Variants in H6PD observed in about 807,000 individuals in gnomAD.
The protein encoded by H6PD is hexose-6-phosphate dehydrogenase/glucose 1-dehydrogenase.
A neutral mutation model predicts 61.2 loss-of-function variants in H6PD; 48 were observed. That is an observed-to-expected ratio of 0.78 (90% CI 0.62 to 1.00). The LOEUF (loss-of-function observed/expected upper bound fraction) is 1.00. Among genes scored for constraint, H6PD ranks in the 50% least tolerant of loss-of-function variants. The pLI is 0.00. For synonymous variants in H6PD, 480 were observed against 457.9 expected (o/e 1.05, Z -0.62); for missense variants, 1,093 against 1,065.0 (o/e 1.03, Z -0.37).
intron 3 of H6PD, among the ~76,000 whole-genome samples, chr1:9,248,183 C>T (rs1345666424): frequency 6.6e-6 from 1 of 152,256 alleles, no homozygotes; most frequent in Non-Finnish European, 1.5e-5. Flanking sequence ...ACTGCCCCCC[C>T]AGCCCCCGCA....
rs1223873315 is a variant in H6PD at position 9,262,070 on chromosome 1, T to C, written c.757T>C (p.Phe253Leu). 6.2e-7 allele frequency: 1 copy of C among 1,614,156 alleles called. No individual in the cohort carries two copies. Among genetic ancestry groups the C allele is most frequent in the Non-Finnish European group, 8.5e-7 (1 of 1,180,006 alleles). ...ETVDAEGRTS[F>L]YEEYGVIRDV... ...CCTCCCTCCACCAGGCCGCACCAGC[T>C]TCTATGAGGAGTACGGTGTCATTCG... The change falls in exon 4 of 5, where the codon TTC becomes CTC. Residue 253 changes from phenylalanine (F) to leucine (L), a missense_variant. By Grantham distance (22) the Phe-to-Leu change is conservative (BLOSUM62 0). Transcript: ENST00000377403.
chr1:9,247,115 C>A, intron 3 of H6PD, 32 bp downstream of exon 3: 1 of 1,379,696 alleles, frequency 7.2e-7, no homozygotes, highest in Non-Finnish European at 1.0e-6. Flanking sequence ...CTCGGTCCCC[C>A]AGCCTCTGCC....
intron 3 of H6PD, among the ~76,000 whole-genome samples, chr1:9,259,368 G>A (rs1212382965): frequency 6.6e-6 from 1 of 152,176 alleles, no homozygotes; most frequent in Non-Finnish European, 1.5e-5. Context: ...TTACACCATT[G>A]TTGCGCCAGT....
intron 1 of H6PD, among the ~76,000 whole-genome samples, chr1:9,237,605 C>T (rs1029575930): frequency 6.6e-6 from 1 of 152,160 alleles, no homozygotes; most frequent in African/African-American, 2.4e-5. Flanking sequence ...ATGTTACCTA[C>T]CTCATATGGT....
Position 9,247,034 on chromosome 1 carries a change from CCATGTGGAGCGGGTGGAGATCAT to C in H6PD, c.701_723del (p.Val234GlufsTer7). The C allele has an allele frequency of 3.1e-6, 5 of 1,613,944 alleles. No individual in the cohort carries two copies. The highest frequency in any genetic ancestry group is 3.4e-6 in the Non-Finnish European group (4 of 1,179,890). ...CTTTGGACGGCCTCTGGAACCGGCACCATGTGGAGCGGGTGGAGATCATCATGAAAGAGACCGTGGATGCTGAA... is the reference window on the plus strand; with the variant it reads ...CTTTGGACGGCCTCTGGAACCGGCACCATGAAAGAGACCGTGGATGCTGAA... On this transcript the variant is annotated frameshift_variant, in exon 3 of 5. Coordinates refer to ENST00000377403, the MANE Select transcript of H6PD (RefSeq NM_004285.4). LOFTEE classifies it high-confidence loss of function.
intron 3 of H6PD, among the ~76,000 whole-genome samples, chr1:9,248,397 G>A (rs1037065126): frequency 4.6e-5 from 7 of 152,302 alleles, no homozygotes; most frequent in African/African-American, 1.7e-4. Context: ...GGGCCGAGGT[G>A]CCACAGTGAG....
At chr1:9,239,584 A>T (rs748766260) in intron 1 of H6PD, among the ~76,000 whole-genome samples, 2 of 152,250 alleles carry the variant, frequency 1.3e-5, no homozygotes, top group Non-Finnish European at 2.9e-5. Context: ...GACTAGGCAC[A>T]TCACCTTGTG....
Position 9,264,080 on chromosome 1 carries a change from G to T in H6PD, c.1587G>T (p.Gln529His), listed in dbSNP as rs1236625496. 6.2e-7 allele frequency: 1 copy of T among 1,614,082 alleles called. No individual in the cohort carries two copies. The highest frequency in any genetic ancestry group is 8.5e-7 in the Non-Finnish European group (1 of 1,180,020). ...TCTTTTCCCAGCAGCAGCCGGAGCA[G>T]CTGGTGCCAGGGCCAGGGCCGGCCC... ...RLFFSQQQPE[Q>H]LVPGPGPAPM... Residue 529 changes from glutamine to histidine, a missense_variant, in exon 5 of 5, where the codon CAG (glutamine) becomes CAT (histidine). Transcript: ENST00000377403.
At chr1:9,251,553 C>T (rs1352643010) in intron 3 of H6PD, among the ~76,000 whole-genome samples, 3 of 152,160 alleles carry the variant, frequency 2.0e-5, no homozygotes, top group African/African-American at 7.2e-5. Flanking sequence ...GAGCCTGATG[C>T]TTGCCCACCT....
intron 1 of H6PD, among the ~76,000 whole-genome samples, chr1:9,241,496 C>T (rs552644478): frequency 1.2e-4 from 19 of 152,276 alleles, no homozygotes; most frequent in African/African-American, 3.4e-4. Flanking sequence ...CTGGACCTCT[C>T]GGGCTCAAGC....
At chr1:9,247,719 C>T (rs1641227856) in intron 3 of H6PD, among the ~76,000 whole-genome samples, 1 of 152,172 alleles carries the variant, frequency 6.6e-6, no homozygotes, top group Non-Finnish European at 1.5e-5. Flanking sequence ...AGTATACACC[C>T]GGGAGGCGGG....
At chr1:9,257,905 G>A (rs185817523) in intron 3 of H6PD, among the ~76,000 whole-genome samples, 3 of 152,388 alleles carry the variant, frequency 2.0e-5, no homozygotes, top group East Asian at 1.9e-4. Flanking sequence ...GGTGGTATGC[G>A]TTGGAACCCT....
chr1:9,264,227 C>T lies in H6PD; in HGVS notation c.1734C>T (p.Ala578=), dbSNP rs78281451. The change falls in exon 5 of 5, where the codon GCC becomes GCT. Residue 578 remains alanine (A), a synonymous_variant. Coordinates refer to ENST00000377403, the MANE Select transcript of H6PD (RefSeq NM_004285.4). ...ACATCGAGGCCACCGCTGTGCGAGC[C>T]GTGCGGCGCTTTGGCCAGTTCCACC... ...ANDIEATAVR[A]VRRFGQFHLA... 4,389 of 1,610,270 alleles carry T rather than the reference C, an allele frequency of 2.7e-3. 107 individuals are homozygous for T. The African/African-American group carries it at 0.052, about 19-fold the overall frequency.
In H6PD at chr1:9,266,131, C is replaced by T. The variant is rs558690810; in HGVS notation, c.*1262C>T. The T allele has an allele frequency of 6.6e-6, 1 of 152,420 alleles. No homozygotes were observed. Among genetic ancestry groups the T allele is most frequent in the South Asian group, 2.1e-4 (1 of 4,834 alleles). 9.4% of individuals were successfully genotyped at this position (152,420 alleles called of 1,614,324 possible). On this transcript the variant is annotated 3_prime_UTR_variant, in exon 5 of 5. Coordinates refer to ENST00000377403, the MANE Select transcript of H6PD (RefSeq NM_004285.4). ...GAGAGAGATGGAGCATCGAGTGACA[C>T]TGGGCCATCCAGGCGGCTCTGCTCC...
chr1:9,242,403 T>C (rs2100316588), intron 1 of H6PD, among the ~76,000 whole-genome samples: 1 of 152,328 alleles, frequency 6.6e-6, no homozygotes, highest in South Asian at 2.1e-4. Flanking sequence ...AGTTGTTTTT[T>C]AGTTGTTTTG....
At chr1:9,247,161 CAGAG>C (rs1378749092) in intron 3 of H6PD, 78 bp downstream of exon 3, 7 of 985,888 alleles carry the variant, frequency 7.1e-6, no homozygotes, top group South Asian at 1.3e-5. Flanking sequence ...GGGCGCTTCT[CAGAG>C]GGAGGTTTTC....
intron 4 of H6PD, 74 bp downstream of exon 4, chr1:9,262,402 C>T: frequency 7.2e-7 from 1 of 1,386,342 alleles, no homozygotes; most frequent in Non-Finnish European, 1.0e-6. Flanking sequence ...TGCAGACGCC[C>T]TTGGGTGGAG....
rs1438314669 is a variant in H6PD, at chr1:9,245,392, C to T, written c.458C>T (p.Ala153Val). 36 of 1,614,052 alleles carry T rather than the reference C, an allele frequency of 2.2e-5. No individual in the cohort carries two copies. The highest frequency in any genetic ancestry group is 3.1e-5 in the Non-Finnish European group (36 of 1,180,006). ...SVPPFAYEDI[A>V]RNINSSCRPG... ...CCACCCTTCGCCTATGAAGACATTG[C>T]CCGCAACATCAACAGTAGCTGCCGG... The change falls in exon 2 of 5, where the codon GCC becomes GTC. Residue 153 changes from alanine to valine, a missense_variant. Physicochemically the swap from Ala to Val is moderately conservative, Grantham distance 64. Transcript: ENST00000377403. This position sits in a 1 kb window ranked among gnomAD's most constrained non-coding sequence, Gnocchi z 4.8.
At position 9,262,062 on chromosome 1, in the gene H6PD, G is replaced by A. The variant is rs140374763; in HGVS notation, c.749G>A (p.Arg250His). 204 of 1,613,988 alleles carry A rather than the reference G, an allele frequency of 1.3e-4. No homozygotes were observed. Among genetic ancestry groups the A allele is most frequent in the Non-Finnish European group, 1.5e-4 (177 of 1,179,982 alleles). ...IMKETVDAEG[R>H]TSFYEEYGVI... ...CTTCTCCACCTCCCTCCACCAGGCC[G>A]CACCAGCTTCTATGAGGAGTACGGT... is the stretch of plus-strand genomic sequence containing the variant. The change falls in exon 4 of 5, where the codon CGC (arginine) becomes CAC (histidine). Residue 250 changes from arginine (R) to histidine (H), a missense_variant. Transcript: ENST00000377403.
Sources: gnomAD v4.1 joint callset for allele counts (sites outside exome capture counted in the v4.1 genomes callset) on GRCh38, gnomAD v4.1.1 for gene constraint, Gnocchi (gnomAD v3.1) non-coding constraint, MANE v1.5 for transcripts, NCBI Gene and HGNC (gene_info 2026-07-23, HGNC 2026-07-21) for gene names.